Variants in ELMO1 observed in about 807,000 individuals in gnomAD.
ELMO1 encodes the protein engulfment and cell motility protein 1.
Under a neutral mutation model 98.9 loss-of-function variants are expected in ELMO1, and 26 were observed. That is an observed-to-expected ratio of 0.26 (90% CI 0.19 to 0.36). ELMO1 has a LOEUF of 0.36. Among genes scored for constraint, ELMO1 ranks in the 10% least tolerant of loss-of-function variants. ELMO1 has a pLI of 1.00. For synonymous variants in ELMO1, 346 were observed against 346.0 expected, an observed-to-expected ratio of 1.00 and a Z score of 0.00; for missense variants, 627 against 935.2, an observed-to-expected ratio of 0.67 and a Z score of 4.30.
intron 4 of ELMO1, among the ~76,000 whole-genome samples, chr7:37,307,374 G>T (rs987783255): frequency 6.6e-6 from 1 of 152,092 alleles, no homozygotes; most frequent in Admixed American, 6.6e-5. Flanking sequence ...ACTTCACTCT[G>T]CACTTCTCCT....
intron 16 of ELMO1, among the ~76,000 whole-genome samples, chr7:37,010,285 A>C (rs1178302242): frequency 1.3e-5 from 2 of 152,212 alleles, no homozygotes; most frequent in Non-Finnish European, 2.9e-5. Flanking sequence ...TCAAATACAC[A>C]CTGGAAATAG....
intron 5 of ELMO1, among the ~76,000 whole-genome samples, chr7:37,260,481 T>A (rs147975829): frequency 1.3e-5 from 2 of 152,168 alleles, no homozygotes; most frequent in East Asian, 3.9e-4. Flanking sequence ...AGACTCTGCC[T>A]GGAATAGGGG....
chr7:37,247,663 A>G (rs1419606329), intron 6 of ELMO1, among the ~76,000 whole-genome samples: 1 of 152,212 alleles, frequency 6.6e-6, no homozygotes. Flanking sequence ...TAATTTAAAA[A>G]CACCAAAGTC....
intron 16 of ELMO1, among the ~76,000 whole-genome samples, chr7:36,983,853 G>C (rs1791278521): frequency 6.6e-6 from 1 of 152,140 alleles, no homozygotes; most frequent in Non-Finnish European, 1.5e-5. Context: ...AAAGTGTTAT[G>C]TGTTTGTGCA....
chr7:37,428,517 A>C (rs753910600), intron 1 of ELMO1, among the ~76,000 whole-genome samples: 2 of 152,218 alleles, frequency 1.3e-5, no homozygotes, highest in Non-Finnish European at 2.9e-5. Context: ...CAGAATCCAG[A>C]ACCTTGGAAT....
At chr7:36,887,191 T>C (rs1303897544) in intron 18 of ELMO1, among the ~76,000 whole-genome samples, 1 of 152,188 alleles carries the variant, frequency 6.6e-6, no homozygotes, top group Non-Finnish European at 1.5e-5. Context: ...TAAAATGCTT[T>C]ATAAAGTAAT....
At chr7:37,391,980 C>T (rs755290262) in intron 1 of ELMO1, among the ~76,000 whole-genome samples, 5 of 152,176 alleles carry the variant, frequency 3.3e-5, no homozygotes, top group African/African-American at 7.2e-5. Flanking sequence ...AATGGCCCTG[C>T]GTGGACTTTG....
At chr7:37,194,111 C>T (rs1157090659) in intron 13 of ELMO1, among the ~76,000 whole-genome samples, 3 of 152,182 alleles carry the variant, frequency 2.0e-5, no homozygotes, top group Non-Finnish European at 2.9e-5. Context: ...CCAGTTTATT[C>T]TCTGCTCTAT....
intron 16 of ELMO1, among the ~76,000 whole-genome samples, chr7:36,935,902 C>T (rs1318866344): frequency 1.3e-5 from 2 of 152,088 alleles, no homozygotes; most frequent in Non-Finnish European, 2.9e-5. Flanking sequence ...AAGAAGTGAG[C>T]GACTCCCTAA....
intron 20 of ELMO1, among the ~76,000 whole-genome samples, chr7:36,864,885 C>A (rs1015437699): frequency 6.6e-6 from 1 of 152,208 alleles, no homozygotes; most frequent in African/African-American, 2.4e-5. Context: ...CTGCTTGCCA[C>A]CTTGTCATGT....
intron 2 of ELMO1, among the ~76,000 whole-genome samples, chr7:37,326,132 A>T (rs2131169358): frequency 6.6e-6 from 1 of 152,348 alleles, no homozygotes; most frequent in African/African-American, 2.4e-5. Context: ...GTTCTTGGAA[A>T]GCAAGTATTC....
chr7:37,246,418 A>G (rs1359089121), intron 6 of ELMO1, among the ~76,000 whole-genome samples: 1 of 152,184 alleles, frequency 6.6e-6, no homozygotes, highest in Non-Finnish European at 1.5e-5. Flanking sequence ...AAAGTATTAT[A>G]GTGGAGACAT....
At chr7:37,390,723 G>A (rs182230976) in intron 1 of ELMO1, among the ~76,000 whole-genome samples, 3 of 152,274 alleles carry the variant, frequency 2.0e-5, no homozygotes, top group Non-Finnish European at 2.9e-5. Context: ...CCAAGGCTCC[G>A]CTCTTTGAGA....
chr7:37,331,761 T>C (rs1800138240), intron 2 of ELMO1, among the ~76,000 whole-genome samples: 1 of 151,524 alleles, frequency 6.6e-6, no homozygotes, highest in Non-Finnish European at 1.5e-5. Context: ...TGATGACTGA[T>C]TGGATAAAAA....
At position 37,025,829 on chromosome 7, in the gene ELMO1, T is replaced by C. The variant is rs953509344; in HGVS notation, c.1301-12394A>G. Among the ~76,000 whole-genome samples the C allele has an allele frequency of 3.3e-5, 5 of 150,954 alleles. 1 individual carries two copies. The highest frequency in any genetic ancestry group is 7.4e-5 in the Non-Finnish European group (5 of 67,810). On this transcript the variant is annotated intron_variant, in intron 15 of 21. Transcript: ENST00000310758. ...TATATACTTACATACATATATATCA[T>C]ATATATTCTATATATACATGAGATT...
intron 13 of ELMO1, among the ~76,000 whole-genome samples, chr7:37,190,701 T>C (rs969274515): frequency 5.3e-5 from 8 of 152,176 alleles, no homozygotes; most frequent in African/African-American, 7.2e-5. Flanking sequence ...AGTTTCACCA[T>C]GTTGGCCAGG....
chr7:37,199,407 C>T (rs1270098826), intron 13 of ELMO1, among the ~76,000 whole-genome samples: 1 of 152,102 alleles, frequency 6.6e-6, no homozygotes, highest in East Asian at 1.9e-4. Flanking sequence ...TTGCAGTGAG[C>T]CATGATGATG....
At chr7:37,426,142 C>CTTTTTTTTTTTTTTTTTTTTT (rs36086006) in intron 1 of ELMO1, among the ~76,000 whole-genome samples, 2 of 84,594 alleles carry the variant, frequency 2.4e-5, no homozygotes, top group Admixed American at 1.6e-4. Context: ...TTTTTTCTTT[C>CTTTTTTTTTTTTTTTTTTTTT]TTTTTTTTTT....
At chr7:36,987,107 G>A (rs73342272) in intron 16 of ELMO1, among the ~76,000 whole-genome samples, 25,258 of 152,080 alleles carry the variant, frequency 0.17, 3,846 homozygotes, top group African/African-American at 0.41. Context: ...TTGTAAGTAC[G>A]GAGTGTTCAG....
Sources: allele counts gnomAD v4.1 joint callset (sites outside exome capture counted in the v4.1 genomes callset), GRCh38; gene constraint gnomAD v4.1.1; transcripts MANE v1.5; gene names NCBI Gene and HGNC (gene_info 2026-07-23, HGNC 2026-07-21).